Variants in LY75 observed in about 807,000 individuals in gnomAD.
The protein encoded by LY75 is C-type lectin domain family 13 member B.
LY75 carries 185 observed loss-of-function variants against 231.7 expected under a neutral mutation model. The ratio of observed to expected loss-of-function variants is 0.80; its 90% CI spans 0.71 to 0.90. The LOEUF (loss-of-function observed/expected upper bound fraction) is 0.90, where lower values mean the gene tolerates loss of function less well. Ranked by LOEUF, LY75 falls within the 40% of genes least tolerant of loss-of-function variation. LY75 has a pLI of 0.00. For missense variants in LY75, 1,947 were observed against 2,050.2 expected (o/e 0.95, Z 0.97); for synonymous variants, 668 against 689.0 (o/e 0.97, Z 0.48).
intron 11 of LY75, 135 bp downstream of exon 11, chr2:159,878,189 G>A (rs1401259735): frequency 3.3e-6 from 4 of 1,207,726 alleles, no homozygotes; most frequent in Non-Finnish European, 4.6e-6. Context: ...TCTATTTATG[G>A]TTCCATAGAT....
At position 159,904,632 on chromosome 2, in the gene LY75, C is replaced by T; in HGVS notation, c.51G>A (p.Leu17=). 1.3e-6 allele frequency: 2 copies of T among 1,502,938 alleles called. No individual in the cohort carries two copies. The highest frequency in any genetic ancestry group is 8.9e-7 in the Non-Finnish European group (1 of 1,128,922). 93.1% of individuals were successfully genotyped at this position (1,502,938 alleles called of 1,614,324 possible). The change falls in exon 1 of 35, where the codon CTG becomes CTA. Residue 17 remains leucine, a synonymous_variant. Transcript: ENST00000263636. ...TPRRPAGLLM[L]LFWFFDLAEP... is the part of the protein sequence containing the mutation. ...CCGCGAGATCGAAGAACCAGAAGAG[C>T]AGCATGAGGAGCCCCGCCGGGCGGC...
intron 25 of LY75, among the ~76,000 whole-genome samples, chr2:159,839,902 A>C (rs919079668): frequency 2.6e-5 from 4 of 151,190 alleles, no homozygotes; most frequent in African/African-American, 9.7e-5. Flanking sequence ...GCTACTGAGG[A>C]GGCTGAAGCA....
intron 6 of LY75, among the ~76,000 whole-genome samples, chr2:159,882,871 C>T (rs955217213): frequency 2.0e-5 from 3 of 152,042 alleles, no homozygotes; most frequent in African/African-American, 7.2e-5. Flanking sequence ...AAGGTTACCC[C>T]TGGACTTCTT....
intron 4 of LY75, 117 bp from the exon 5 acceptor site, chr2:159,886,647 C>T (rs1685596019): frequency 9.8e-7 from 1 of 1,018,174 alleles, no homozygotes; most frequent in Non-Finnish European, 1.4e-6. Context: ...GGCAGCAATC[C>T]CTGTAGAGGG....
At chr2:159,885,345 A>G (rs770810957) in intron 5 of LY75, 52 bp from the exon 6 acceptor site, 9 of 1,572,500 alleles carry the variant, frequency 5.7e-6, no homozygotes, top group Non-Finnish European at 7.8e-6. Flanking sequence ...TAGGGCCAGG[A>G]TGGTGTCAGA....
At chr2:159,867,891 T>A (rs1684903446) in intron 13 of LY75, among the ~76,000 whole-genome samples, 1 of 152,184 alleles carries the variant, frequency 6.6e-6, no homozygotes, top group Non-Finnish European at 1.5e-5. Context: ...TGAATCCTTT[T>A]CACTGAAATA....
intron 25 of LY75, among the ~76,000 whole-genome samples, chr2:159,839,537 T>C (rs1180008299): frequency 6.6e-6 from 1 of 152,202 alleles, no homozygotes; most frequent in Non-Finnish European, 1.5e-5. Context: ...TTCAACCTCC[T>C]TTTCAGAGTT....
At chr2:159,846,177 T>C (rs1231838109) in intron 23 of LY75, among the ~76,000 whole-genome samples, 2 of 151,636 alleles carry the variant, frequency 1.3e-5, no homozygotes, top group Non-Finnish European at 2.9e-5. Flanking sequence ...ACTGACAACA[T>C]GTATCATATA....
At chr2:159,814,579 T>C (rs1529381) in intron 31 of LY75, among the ~76,000 whole-genome samples, 102,040 of 150,052 alleles carry the variant, frequency 0.68, 34,919 homozygotes, top group East Asian at 0.89. Flanking sequence ...TGCTTGAGCC[T>C]AGGAGGTCAA....
intron 31 of LY75, among the ~76,000 whole-genome samples, chr2:159,812,075 G>C (rs1682976952): frequency 6.6e-6 from 1 of 151,902 alleles, no homozygotes; most frequent in African/African-American, 2.4e-5. Flanking sequence ...TGCAAAACTT[G>C]TTGAACATTG....
intron 31 of LY75, among the ~76,000 whole-genome samples, chr2:159,813,338 T>TG (rs528311447): frequency 6.6e-4 from 100 of 152,140 alleles, no homozygotes; most frequent in African/African-American, 2.1e-3. Flanking sequence ...TTTTGTTTTT[T>TG]TTTTTTTTGA....
At position 159,816,893 on chromosome 2, in the gene LY75, G is replaced by A. The variant is rs144164529; in HGVS notation, c.4293C>T (p.Ser1431=). 55 of 1,614,138 alleles carry A rather than the reference G, an allele frequency of 3.4e-5. No homozygotes were observed. The highest frequency in any genetic ancestry group is 6.7e-5 in the Admixed American group (4 of 60,022). The stretch of plus-strand genomic sequence containing the variant: ...AGAGCTGGCCATTTTGGTTGTGAAC[G>A]CTTGCCAAGTGACCTCCACTTTGAG... The part of the protein sequence containing the change: ...MCSQSGGHLA[S]VHNQNGQLFL... The change falls in exon 30 of 35, where the codon AGC becomes AGT. Residue 1431 remains serine (S), a synonymous_variant. Transcript: ENST00000263636.
intron 4 of LY75, among the ~76,000 whole-genome samples, chr2:159,887,566 CAAA>C (rs369452762): frequency 0.21 from 21,443 of 103,724 alleles, 1,380 homozygotes; most frequent in Admixed American, 0.35. Context: ...TCAACAACAA[CAAA>C]AAAAAAAAAA....
intron 14 of LY75, among the ~76,000 whole-genome samples, chr2:159,864,423 A>G (rs530847649): frequency 6.6e-6 from 1 of 152,218 alleles, no homozygotes; most frequent in Admixed American, 6.5e-5. Flanking sequence ...TGTATATGGT[A>G]TGAGATAAGG....
In LY75 at chr2:159,854,428, T is replaced by C; in HGVS notation, c.2527A>G (p.Asn843Asp). Residue 843 changes from asparagine to aspartate, a missense_variant, in exon 18 of 35, where the codon AAT (asparagine) becomes GAT (aspartate). Coordinates refer to ENST00000263636, the MANE Select transcript of LY75 (RefSeq NM_002349.4). ...GTTATAGTTGCAAGAAAGCTGTGAT[T>C]GCTGGCACAGTACAGGACGGCTTCT... ...YEEAVLYCAS[N>D]HSFLATITSF... 1 of 1,574,490 alleles carries C rather than the reference T, an allele frequency of 6.4e-7. No homozygotes were observed. Among genetic ancestry groups the C allele is most frequent in the Non-Finnish European group, 8.7e-7 (1 of 1,155,530 alleles).
chr2:159,854,710 C>T (rs1401998572), intron 17 of LY75, among the ~76,000 whole-genome samples, 175 bp from the exon 18 acceptor site: 1 of 152,170 alleles, frequency 6.6e-6, no homozygotes, highest in African/African-American at 2.4e-5. Flanking sequence ...CTCTGCCACT[C>T]CCCTACACTC....
chr2:159,885,636 A>G lies in LY75; in HGVS notation c.914-343T>C, dbSNP rs558089988. ...ATAAAAATATTAATTTATCATTGTC[A>G]TGCCATTAAGGCCTTGAGTTAAAGA... On this transcript the variant is annotated intron_variant, in intron 5 of 34. Transcript: ENST00000263636. Among the ~76,000 whole-genome samples, 7 of 152,314 alleles carry G rather than the reference A, an allele frequency of 4.6e-5. No homozygotes were observed. In the South Asian group the frequency reaches 1.5e-3, roughly 32 times the overall value.
At chr2:159,840,543 G>A (rs1162625395) in intron 25 of LY75, among the ~76,000 whole-genome samples, 186 bp downstream of exon 25, 3 of 152,198 alleles carry the variant, frequency 2.0e-5, no homozygotes, top group African/African-American at 7.2e-5. Context: ...CTGTACTCCA[G>A]CCTGGGTGAC....
In LY75 at chr2:159,834,024, T is replaced by C. The variant is rs370124435; in HGVS notation, c.3841+20A>G. 100 of 1,609,082 alleles carry C rather than the reference T, an allele frequency of 6.2e-5. No homozygotes were observed. The highest frequency in any genetic ancestry group is 7.4e-5 in the Non-Finnish European group (87 of 1,178,108). Reference sequence around the variant, plus strand: ...GTATGTCCTTATAGCAACATGAGAATGGACTAATATAATACTTACTCAGTT... The same window carrying C: ...GTATGTCCTTATAGCAACATGAGAACGGACTAATATAATACTTACTCAGTT... On this transcript the variant is annotated intron_variant, in intron 27 of 34. Transcript: ENST00000263636.
Sources: allele counts gnomAD v4.1 joint callset (sites outside exome capture counted in the v4.1 genomes callset), GRCh38; gene constraint gnomAD v4.1.1; transcripts MANE v1.5; gene names NCBI Gene and HGNC (gene_info 2026-07-23, HGNC 2026-07-21).